The following INF2 variants were observed in gnomAD, a reference collection of about 807,000 sequenced individuals.
The protein encoded by INF2 is inverted formin 2, also known as inverted formin-2.
Under a neutral mutation model 123.5 loss-of-function variants are expected in INF2, and 43 were observed. The ratio of observed to expected loss-of-function variants is 0.35; its 90% CI spans 0.27 to 0.45. The LOEUF is 0.45. Among genes scored for constraint, INF2 ranks in the 20% least tolerant of loss-of-function variants. The pLI is 1.00. For missense variants in INF2, 1,453 were observed against 1,682.7 expected, an observed-to-expected ratio of 0.86 and a Z score of 2.39; for synonymous variants, 851 against 745.0, an observed-to-expected ratio of 1.14 and a Z score of -2.32.
upstream of INF2, chr14:104,689,352 C>G (rs973071966): frequency 2.7e-6 from 2 of 749,382 alleles, no homozygotes; most frequent in African/African-American, 1.9e-5. Flanking sequence ...AGGCGGGAGA[C>G]GGCCCCGATC....
At chr14:104,717,647 G>C (rs1890373989) in intron 22 of INF2, 2 of 152,232 alleles carry the variant, frequency 1.3e-5, no homozygotes, top group Admixed American at 6.5e-5. Context: ...GCGCCCCCAA[G>C]TAGGTCCAGG....
In INF2 at chr14:104,710,953, C is replaced by T. The variant is rs1427456851; in HGVS notation, c.2256C>T (p.Arg752=). The change falls in exon 14 of 23, where the codon CGC becomes CGT. Residue 752 remains arginine, a synonymous_variant. Coordinates refer to ENST00000392634, the MANE Select transcript of INF2 (RefSeq NM_022489.4). ...CCCCTGCAGGCCTGCTCACCAGCCG[C>T]CAGCTGCCCATCTTCTGCCAGCTGA... ...LAACESLLTS[R]QLPIFCQLIL... 1.2e-6 allele frequency: 2 copies of T among 1,612,356 alleles called. No individual in the cohort carries two copies. The highest frequency in any genetic ancestry group is 1.7e-6 in the Non-Finnish European group (2 of 1,179,778).
At chr14:104,718,602 G>A (rs1005516881) in intron 22 of INF2, among the ~76,000 whole-genome samples, 193 bp from the exon 23 acceptor site, 26 of 152,150 alleles carry the variant, frequency 1.7e-4, no homozygotes, top group South Asian at 6.2e-4. Context: ...AGGCCAGCCC[G>A]GCACCTTCCA....
intron 1 of INF2, among the ~76,000 whole-genome samples, chr14:104,693,505 G>A (rs1889051667): frequency 6.6e-6 from 1 of 152,216 alleles, no homozygotes; most frequent in Admixed American, 6.5e-5. Context: ...GAGGGAGGGA[G>A]AGGGAAGCAG....
upstream of INF2, chr14:104,689,248 G>A: frequency 2.0e-6 from 2 of 985,400 alleles, no homozygotes; most frequent in Non-Finnish European, 2.4e-6. Context: ...AGAGAGAGGT[G>A]AGCGGCGCCT....
chr14:104,718,653 C>T (rs1005048985), intron 22 of INF2, 142 bp from the exon 23 acceptor site: 2 of 1,437,576 alleles, frequency 1.4e-6, no homozygotes, highest in Non-Finnish European at 1.9e-6. Flanking sequence ...AGCCTGGGGT[C>T]AGAGTGGACC....
At position 104,720,578 on chromosome 14, in the gene INF2, A is replaced by C. The variant is rs369169984; in HGVS notation, c.*1785A>C. The C allele has an allele frequency of 5.5e-4, 29 of 52,424 alleles. No homozygotes were observed. The highest frequency in any genetic ancestry group is 1.1e-3 in the South Asian group (2 of 1,838). 3.2% of individuals were successfully genotyped at this position (52,424 alleles called of 1,614,324 possible). Reference sequence around the variant, plus strand: ...TGGATGCTGCTGTGGACGTCTGCGTAGTCTCGTGTGGATGCTGCTGTGCAC... The same window carrying C: ...TGGATGCTGCTGTGGACGTCTGCGTCGTCTCGTGTGGATGCTGCTGTGCAC... On this transcript the variant is annotated 3_prime_UTR_variant, in exon 23 of 23. Coordinates refer to ENST00000392634, the MANE Select transcript of INF2 (RefSeq NM_022489.4).
At chr14:104,715,789 C>T (rs1890270988) in intron 22 of INF2, 1 of 473,162 alleles carries the variant, frequency 2.1e-6, no homozygotes, top group Non-Finnish European at 4.2e-6. Flanking sequence ...TATCTTCACT[C>T]TAAGTGTGTC....
intron 11 of INF2, 49 bp from the exon 12 acceptor site, chr14:104,709,571 G>C: frequency 6.4e-7 from 1 of 1,550,888 alleles, no homozygotes; most frequent in Non-Finnish European, 8.9e-7. Flanking sequence ...GTCCGGGAGG[G>C]CGGGAAGCTG....
intron 22 of INF2, chr14:104,715,736 C>T: frequency 1.9e-6 from 1 of 514,312 alleles, no homozygotes; most frequent in South Asian, 1.6e-5. Context: ...ACTGCAGTTC[C>T]AGTAACCCTG....
chr14:104,711,675 T>C lies in INF2; in HGVS notation c.2465T>C (p.Leu822Pro), dbSNP rs1307076154. Residue 822 changes from leucine to proline, a missense_variant, in exon 16 of 23, where the codon CTG (leucine) becomes CCG (proline). Transcript: ENST00000392634. ...HPDLLQLPRDLEQPSQAAGIN... is the reference protein window; with the variant it reads ...HPDLLQLPRDPEQPSQAAGIN... The stretch of plus-strand genomic sequence containing the variant: ...GACCTCCTGCAGCTGCCCCGGGACC[T>C]GGAACAGCCCTCGCAAGCAGCAGGG... The C allele has an allele frequency of 6.2e-7, 1 of 1,612,282 alleles. No homozygotes were observed. Among genetic ancestry groups the C allele is most frequent in the Non-Finnish European group, 8.5e-7 (1 of 1,179,694 alleles).
chr14:104,711,636 A>T lies in INF2; in HGVS notation c.2426A>T (p.Glu809Val). 1.9e-6 allele frequency: 3 copies of T among 1,612,386 alleles called. No individual in the cohort carries two copies. The highest frequency in any genetic ancestry group is 2.5e-6 in the Non-Finnish European group (3 of 1,179,620). ...TLLHHVLEEAEKSHPDLLQLP... is the reference protein window; with the variant it reads ...TLLHHVLEEAVKSHPDLLQLP... ...GGACGTGTCCCATTGCAGGAAGCGG[A>T]AAAGAGCCACCCCGACCTCCTGCAG... The change falls in exon 16 of 23, where the codon GAA becomes GTA. Residue 809 changes from glutamate (E) to valine (V), a missense_variant. Coordinates refer to ENST00000392634, the MANE Select transcript of INF2 (RefSeq NM_022489.4).
chr14:104,705,368 G>A (rs1889734747), intron 5 of INF2, among the ~76,000 whole-genome samples: 1 of 151,980 alleles, frequency 6.6e-6, no homozygotes, highest in Admixed American at 6.6e-5. Flanking sequence ...AGTGAGCTGA[G>A]ATCGTACCAC....
upstream of INF2, chr14:104,684,819 AG>A (rs1225728042): frequency 6.6e-6 from 1 of 152,290 alleles, no homozygotes; most frequent in Admixed American, 6.5e-5. This position sits in a 1 kb window ranked among gnomAD's most constrained non-coding sequence, Gnocchi z 5.0. Flanking sequence ...AGGGAAATAG[AG>A]GGCCAGGTTC....
intron 17 of INF2, 56 bp from the exon 18 acceptor site, chr14:104,712,772 C>A: frequency 1.3e-6 from 2 of 1,541,108 alleles, no homozygotes; most frequent in Non-Finnish European, 1.8e-6. Flanking sequence ...AGGGCCTCAC[C>A]CCGGGTGGTG....
chr14:104,689,587 T>TCCAACC, upstream of INF2: 7 of 851,066 alleles, frequency 8.2e-6, no homozygotes, highest in South Asian at 5.4e-5. Context: ...CACCTCCTCT[T>TCCAACC]CCTCCCGCCC....
chr14:104,714,630 C>T lies in INF2; in HGVS notation c.3468C>T (p.Val1156=), dbSNP rs749891792. ...DSTSEGLEDA[V]HSRGARPPAA... The stretch of plus-strand genomic sequence containing the variant: ...CAAGTGAGGGGCTGGAGGACGCTGT[C>T]CACAGCCGTGGTGCCAGACCCCCTG... Residue 1156 remains valine, a synonymous_variant, in exon 21 of 23, where the codon GTC becomes GTT. Transcript: ENST00000392634. 4 of 1,612,516 alleles carry T rather than the reference C, an allele frequency of 2.5e-6. No individual in the cohort carries two copies. The highest frequency in any genetic ancestry group is 2.7e-5 in the African/African-American group (2 of 74,948).
intron 5 of INF2, among the ~76,000 whole-genome samples, chr14:104,705,285 C>T (rs887091098): frequency 2.0e-5 from 3 of 152,180 alleles, no homozygotes; most frequent in Admixed American, 6.5e-5. Context: ...GCCGTGGTGG[C>T]ATGTGCCTGC....
rs751479066 is a variant in INF2 at position 104,706,939 on chromosome 14, C to T, written c.873C>T (p.Leu291=). The T allele has an allele frequency of 6.2e-7, 1 of 1,603,904 alleles. No individual in the cohort carries two copies. Among genetic ancestry groups the T allele is most frequent in the South Asian group, 1.1e-5 (1 of 90,988 alleles). ...GCTGCTCCCCGGTGTCTGCCCAGCTCCTGTCGGTGCTGCAGGGCCTCCTGC... is the reference window on the plus strand; with the variant it reads ...GCTGCTCCCCGGTGTCTGCCCAGCTTCTGTCGGTGCTGCAGGGCCTCCTGC... ...KVSCSPVSAQ[L]LSVLQGLLHL... is the part of the protein sequence containing the mutation. Residue 291 remains leucine (L), a synonymous_variant, in exon 7 of 23, where the codon CTC becomes CTT. Transcript: ENST00000392634.
Sources: gnomAD v4.1 joint callset for allele counts (sites outside exome capture counted in the v4.1 genomes callset) on GRCh38, gnomAD v4.1.1 for gene constraint, Gnocchi (gnomAD v3.1) non-coding constraint, MANE v1.5 for transcripts, NCBI Gene and HGNC (gene_info 2026-07-23, HGNC 2026-07-21) for gene names.